The following CPXM2 variants were observed in gnomAD, a reference collection of about 807,000 sequenced individuals.
CPXM2 encodes carboxypeptidase X, M14 family member 2.
Under a neutral mutation model 86.1 loss-of-function variants are expected in CPXM2, and 66 were observed. That is an observed-to-expected ratio of 0.77 (90% confidence interval 0.63 to 0.94). The LOEUF is 0.94. CPXM2 is among the 40% of genes least tolerant of loss of function. The pLI, the probability that CPXM2 is intolerant of heterozygous loss-of-function variation, is 0.00. For missense variants in CPXM2, 948 were observed against 1,026.3 expected, an observed-to-expected ratio of 0.92 and a Z score of 1.04; for synonymous variants, 388 against 400.2, an observed-to-expected ratio of 0.97 and a Z score of 0.36.
chr10:123,890,812 G>A (rs979199695), intron 1 of CPXM2, among the ~76,000 whole-genome samples: 1 of 152,158 alleles, frequency 6.6e-6, no homozygotes, highest in Non-Finnish European at 1.5e-5. Flanking sequence ...ACTCCCCAGT[G>A]GAGGCTGTGC....
At chr10:123,843,505 C>T (rs924308785) in intron 3 of CPXM2, among the ~76,000 whole-genome samples, 8 of 146,748 alleles carry the variant, frequency 5.5e-5, no homozygotes, top group South Asian at 2.2e-4. Flanking sequence ...GCCATCTCAG[C>T]TCACTGCAAG....
At chr10:123,762,984 T>C (rs570049375) in intron 10 of CPXM2, among the ~76,000 whole-genome samples, 2 of 152,336 alleles carry the variant, frequency 1.3e-5, no homozygotes, top group African/African-American at 4.8e-5. Context: ...ATTGGACCAA[T>C]GAGAGAGCTT....
intron 4 of CPXM2, among the ~76,000 whole-genome samples, chr10:123,801,732 T>C (rs888867609): frequency 3.3e-5 from 5 of 152,320 alleles, no homozygotes; most frequent in South Asian, 2.1e-4. Flanking sequence ...TACGAGACCC[T>C]TGCTTGCCTT....
intron 11 of CPXM2, among the ~76,000 whole-genome samples, chr10:123,760,348 A>G (rs1846304138): frequency 6.6e-6 from 1 of 152,204 alleles, no homozygotes; most frequent in Non-Finnish European, 1.5e-5. Context: ...GCCATTAGGA[A>G]TTCTTCTTGA....
In CPXM2 at chr10:123,803,496, T is replaced by C. The variant is rs1049075989; in HGVS notation, c.654-4297A>G. Among the ~76,000 whole-genome samples, 13 of 152,270 alleles carry C rather than the reference T, an allele frequency of 8.5e-5. No individual in the cohort carries two copies. The East Asian group carries it at 2.3e-3, about 27-fold the overall frequency. On this transcript the variant is annotated intron_variant, in intron 4 of 13. Transcript: ENST00000241305. The stretch of plus-strand genomic sequence containing the variant: ...TTTATGGCTTTCAGTATTTTTGTTC[T>C]TTTCAATAAATTTTTGCCTACTCCA...
Position 123,745,985 on chromosome 10 carries a change from T to C in CPXM2, c.*779A>G, listed in dbSNP as rs567684848. 2 of 152,236 alleles carry C rather than the reference T, an allele frequency of 1.3e-5. No individual in the cohort carries two copies. The highest frequency in any genetic ancestry group is 2.1e-4 in the South Asian group (1 of 4,816). 9.4% of individuals were successfully genotyped at this position (152,236 alleles called of 1,614,324 possible). On this transcript the variant is annotated 3_prime_UTR_variant, in exon 14 of 14. Transcript: ENST00000241305. ...AAGAGGAGATCCAGGCTAAATTTTC[T>C]GGCCCTTCAGGAAGGCTGGCACCTC... is the stretch of plus-strand genomic sequence containing the variant.
intron 2 of CPXM2, among the ~76,000 whole-genome samples, chr10:123,916,081 T>C (rs1945532038): frequency 6.6e-6 from 1 of 152,074 alleles, no homozygotes; most frequent in Admixed American, 6.5e-5. Context: ...TGCTGTACTT[T>C]ATGCTTTGGG....
rs1456426681 is a variant in CPXM2, at chr10:123,842,470, C to A, written c.532G>T (p.Asp178Tyr). Residue 178 changes from aspartate (D) to tyrosine (Y), a missense_variant, in exon 4 of 14, where the codon GAT (aspartate) becomes TAT (tyrosine). Coordinates refer to ENST00000241305, the MANE Select transcript of CPXM2 (RefSeq NM_198148.3). ...LNIQAGINEN[D>Y]FYDGAWCAGR... is the part of the protein sequence containing the mutation. ...GCGCACCACGCTCCGTCATAAAAAT[C>A]ATTTTCATTAATGCCCGCCTAGAAA... 5 of 1,614,114 alleles carry A rather than the reference C, an allele frequency of 3.1e-6. No homozygotes were observed. The South Asian group carries it at 4.4e-5, about 14-fold the overall frequency.
chr10:123,892,763 T>C (rs1301846058), upstream of CPXM2, among the ~76,000 whole-genome samples: 1 of 152,204 alleles, frequency 6.6e-6, no homozygotes, highest in Non-Finnish European at 1.5e-5. Flanking sequence ...AGGTATTGGC[T>C]GAATTCAGCT....
At chr10:123,832,998 G>A (rs1383842036) in intron 4 of CPXM2, among the ~76,000 whole-genome samples, 3 of 152,056 alleles carry the variant, frequency 2.0e-5, no homozygotes, top group African/African-American at 7.2e-5. Flanking sequence ...GCAACAAGGC[G>A]CCATCTGGGA....
chr10:123,903,711 G>T (rs959803385), intron 2 of CPXM2, among the ~76,000 whole-genome samples: 9 of 152,266 alleles, frequency 5.9e-5, no homozygotes, highest in African/African-American at 2.2e-4. Context: ...AAGGGACTTT[G>T]TAATGTGCAG....
intron 13 of CPXM2, among the ~76,000 whole-genome samples, chr10:123,749,304 C>T (rs2133964208): frequency 6.6e-6 from 1 of 152,202 alleles, no homozygotes; most frequent in Non-Finnish European, 1.5e-5. Context: ...CCCAGGTTCT[C>T]ACCAAGGGAG....
chr10:123,789,612 G>A (rs1165540224), intron 6 of CPXM2, among the ~76,000 whole-genome samples: 2 of 152,222 alleles, frequency 1.3e-5, no homozygotes, highest in Non-Finnish European at 2.9e-5. Flanking sequence ...GTGCTTAAAA[G>A]AAGAACCAGC....
intron 4 of CPXM2, among the ~76,000 whole-genome samples, chr10:123,804,342 A>C (rs1283924121): frequency 1.3e-5 from 2 of 152,206 alleles, no homozygotes; most frequent in Non-Finnish European, 2.9e-5. Flanking sequence ...TTTTGGGGGA[A>C]CTGACCTCTT....
intron 11 of CPXM2, among the ~76,000 whole-genome samples, chr10:123,758,227 T>C (rs148354783): frequency 4.7e-4 from 71 of 152,334 alleles, no homozygotes; most frequent in Non-Finnish European, 6.6e-4. Context: ...AATGGTTGAC[T>C]TAAAGCAACA....
intron 2 of CPXM2, among the ~76,000 whole-genome samples, chr10:123,897,821 C>T (rs78517274): frequency 0.012 from 1,852 of 152,362 alleles, 44 homozygotes; most frequent in African/African-American, 0.043. Context: ...GATGCTGCCC[C>T]GGCCCCCGGC....
In CPXM2 at chr10:123,891,720, G is replaced by C; in HGVS notation, c.-61C>G. Reference sequence around the variant, plus strand: ...TCACCGGGGGCGCCGGGCGGGCTGCGGGCGCAGAAGCTGGCGCGGGGCAAG... The same window carrying C: ...TCACCGGGGGCGCCGGGCGGGCTGCCGGCGCAGAAGCTGGCGCGGGGCAAG... On this transcript the variant is annotated 5_prime_UTR_variant, in exon 1 of 14. Coordinates refer to ENST00000241305, the MANE Select transcript of CPXM2 (RefSeq NM_198148.3). This position sits in a 1 kb window ranked among gnomAD's most constrained non-coding sequence, Gnocchi z 5.6. 1 of 1,253,434 alleles carries C rather than the reference G, an allele frequency of 8.0e-7. No homozygotes were observed. Among genetic ancestry groups the C allele is most frequent in the Non-Finnish European group, 1.0e-6 (1 of 983,222 alleles). The allele number at this position is 1,253,434 out of a possible 1,614,324, so 77.6% of individuals were successfully genotyped here. A position where few individuals can be genotyped will look rare whatever the true frequency, so the allele number is the denominator to read the frequency against.
At position 123,746,740 on chromosome 10, in the gene CPXM2, A is replaced by G; in HGVS notation, c.*24T>C. ...TTGGTTTAATTTGCATGGGTCCCAGACGAGTCTCAAGGGCCCAGGAGGGTC... is the reference window on the plus strand; with the variant it reads ...TTGGTTTAATTTGCATGGGTCCCAGGCGAGTCTCAAGGGCCCAGGAGGGTC... On this transcript the variant is annotated 3_prime_UTR_variant, in exon 14 of 14. Transcript: ENST00000241305. 6.2e-7 allele frequency: 1 copy of G among 1,612,134 alleles called. No homozygotes were observed. The highest frequency in any genetic ancestry group is 1.1e-5 in the South Asian group (1 of 90,934).
In CPXM2 at chr10:123,891,380, A is replaced by G; in HGVS notation, c.280T>C (p.Ser94Pro). The change falls in exon 1 of 14, where the codon TCG (serine) becomes CCG (proline). Residue 94 changes from serine to proline, a missense_variant. Coordinates refer to ENST00000241305, the MANE Select transcript of CPXM2 (RefSeq NM_198148.3). The surrounding 1 kb of genome is among the most constrained non-coding windows in gnomAD (Gnocchi z 5.6). ...KPKKAPKREKSAPEPPPPGKH... is the reference protein window; with the variant it reads ...KPKKAPKREKPAPEPPPPGKH... ...CCTGGTGGAGGCGGCTCCGGAGCCG[A>G]CTTCTCCCTCTTGGGAGCTTTCTTG... The G allele has an allele frequency of 6.4e-7, 1 of 1,563,062 alleles. No individual in the cohort carries two copies. The highest frequency in any genetic ancestry group is 1.2e-5 in the South Asian group (1 of 85,012).
Sources: gnomAD v4.1 joint callset for allele counts (sites outside exome capture counted in the v4.1 genomes callset) on GRCh38, gnomAD v4.1.1 for gene constraint, Gnocchi (gnomAD v3.1) non-coding constraint, MANE v1.5 for transcripts, NCBI Gene and HGNC (gene_info 2026-07-23, HGNC 2026-07-21) for gene names.